The following AGT variants were observed in gnomAD, a reference collection of about 807,000 sequenced individuals.
AGT encodes the protein alpha-1 antiproteinase, antitrypsin.
In AGT, 26 loss-of-function variants were observed where a neutral mutation model predicts 28.1. That is an observed-to-expected ratio of 0.92 (90% CI 0.68 to 1.28). The LOEUF is 1.28. Ranked by LOEUF, AGT falls within the 50% of genes most tolerant of loss-of-function variation. The probability of loss-of-function intolerance (pLI) is 0.00; values close to 1 mark genes in which losing one functional copy is unlikely to be tolerated. For synonymous variants in AGT, 259 were observed against 259.6 expected (o/e 1.00, Z 0.02); for missense variants, 596 against 592.3 (o/e 1.01, Z -0.06).
chr1:230,715,957 G>A (rs1229202793), upstream of AGT, among the ~76,000 whole-genome samples: 1 of 152,176 alleles, frequency 6.6e-6, no homozygotes. Context: ...GGAAAGTGGT[G>A]TAAAAGAAAA....
At chr1:230,733,626 A>G (rs1200813437) in intron 1 of AGT, among the ~76,000 whole-genome samples, 3 of 152,226 alleles carry the variant, frequency 2.0e-5, no homozygotes, top group Non-Finnish European at 4.4e-5. Context: ...AACAGAAGGC[A>G]CTAGAAGGAC....
chr1:230,728,677 G>A (rs542637434), intron 1 of AGT, among the ~76,000 whole-genome samples: 42 of 152,240 alleles, frequency 2.8e-4, no homozygotes, highest in Middle Eastern at 6.8e-3. Context: ...TGCATCTACG[G>A]CCTCATTTTC....
intron 1 of AGT, among the ~76,000 whole-genome samples, chr1:230,723,722 A>G (rs1663887495): frequency 1.3e-5 from 2 of 152,090 alleles, no homozygotes; most frequent in Non-Finnish European, 1.5e-5. Flanking sequence ...TTCTGCTTCT[A>G]TTTTCAGTAA....
intron 1 of AGT, among the ~76,000 whole-genome samples, chr1:230,737,414 C>T (rs114477628): frequency 6.6e-5 from 10 of 152,034 alleles, no homozygotes; most frequent in Non-Finnish European, 8.8e-5. Context: ...CAGGTTCAAG[C>T]GATTCCCTGG....
At chr1:230,734,533 A>G (rs1664121415) in intron 1 of AGT, among the ~76,000 whole-genome samples, 1 of 152,074 alleles carries the variant, frequency 6.6e-6, no homozygotes, top group African/African-American at 2.4e-5. Context: ...GAAATGGTTA[A>G]GGTTGTAAAT....
chr1:230,717,508 A>G (rs1008182102), upstream of AGT, among the ~76,000 whole-genome samples: 1 of 152,212 alleles, frequency 6.6e-6, no homozygotes, highest in African/African-American at 2.4e-5. Flanking sequence ...TAAATACAGG[A>G]ATGGGGTTTC....
intron 1 of AGT, among the ~76,000 whole-genome samples, chr1:230,723,572 A>G (rs61826450): frequency 0.022 from 3,348 of 152,304 alleles, 56 homozygotes; most frequent in Non-Finnish European, 0.033. Context: ...CTTGTCTGCT[A>G]TACCCAGATG....
intron 2 of AGT, among the ~76,000 whole-genome samples, chr1:230,706,474 T>C (rs1663391209): frequency 6.6e-6 from 1 of 152,194 alleles, no homozygotes; most frequent in Non-Finnish European, 1.5e-5. Context: ...CCGGGGGTTT[T>C]GCATCTGTCA....
chr1:230,724,875 T>C (rs1663911276), intron 1 of AGT, among the ~76,000 whole-genome samples: 2 of 152,114 alleles, frequency 1.3e-5, no homozygotes, highest in African/African-American at 4.8e-5. Context: ...ATGTGCAGAA[T>C]TTGAGCCTGA....
At chr1:230,728,086 G>T (rs1258009901) in intron 1 of AGT, among the ~76,000 whole-genome samples, 1 of 152,180 alleles carries the variant, frequency 6.6e-6, no homozygotes, top group Non-Finnish European at 1.5e-5. Flanking sequence ...TGGAAAAAAT[G>T]GTCCTCATAT....
At position 230,710,399 on chromosome 1, in the gene AGT, A is replaced by G. The variant is rs150161533; in HGVS notation, c.425T>C (p.Leu142Ser). The G allele has an allele frequency of 3.1e-6, 5 of 1,614,216 alleles. No individual in the cohort carries two copies. The African/African-American group carries it at 4.0e-5, about 13-fold the overall frequency. Residue 142 changes from leucine to serine, a missense_variant, in exon 2 of 5, where the codon TTG becomes TCG. Leu to Ser is a moderately radical substitution (Grantham distance 145, BLOSUM62 -2). Coordinates refer to ENST00000366667, the MANE Select transcript of AGT (RefSeq NM_001384479.1). ...CTGTAGCCTGTCAGCTGTGTGGTCC[A>G]AGGCTCCCAGATAGAGAGAGGCCAG... ...GTLASLYLGA[L>S]DHTADRLQAI...
At chr1:230,738,441 A>T (rs965390776) in intron 1 of AGT, among the ~76,000 whole-genome samples, 2 of 152,234 alleles carry the variant, frequency 1.3e-5, no homozygotes, top group Non-Finnish European at 1.5e-5. Context: ...TTATCATGTT[A>T]CTTTATGTCT....
At chr1:230,740,032 T>C (rs1241592344) in intron 1 of AGT, among the ~76,000 whole-genome samples, 1 of 152,234 alleles carries the variant, frequency 6.6e-6, no homozygotes, top group Non-Finnish European at 1.5e-5. Context: ...CTTGGTCATA[T>C]GCTAAACAAA....
intron 1 of AGT, among the ~76,000 whole-genome samples, chr1:230,740,345 G>A (rs1664226097): frequency 6.6e-6 from 1 of 151,970 alleles, no homozygotes; most frequent in Non-Finnish European, 1.5e-5. Context: ...TTTGTGACCT[G>A]CCGACCTCCT....
At chr1:230,733,696 A>G (rs535448935) in intron 1 of AGT, among the ~76,000 whole-genome samples, 3 of 152,316 alleles carry the variant, frequency 2.0e-5, no homozygotes, top group Admixed American at 6.5e-5. Flanking sequence ...AGCTAATCCA[A>G]TCATATATTA....
At chr1:230,724,139 G>A (rs1454580104) in intron 1 of AGT, among the ~76,000 whole-genome samples, 1 of 152,174 alleles carries the variant, frequency 6.6e-6, no homozygotes, top group African/African-American at 2.4e-5. Context: ...AATAGTCCAG[G>A]ATGCTTTTGT....
chr1:230,744,248 G>A (rs1386711113), intron 1 of AGT, among the ~76,000 whole-genome samples: 1 of 152,218 alleles, frequency 6.6e-6, no homozygotes. Context: ...ATCCTGAGAA[G>A]TGAAGGTTTG....
At chr1:230,721,247 C>T (rs1268289403) in intron 1 of AGT, among the ~76,000 whole-genome samples, 1 of 152,224 alleles carries the variant, frequency 6.6e-6, no homozygotes, top group Non-Finnish European at 1.5e-5. Flanking sequence ...AACCCTTCTT[C>T]CTCCTTCAAA....
At chr1:230,715,786 T>G (rs991754570), upstream of AGT, among the ~76,000 whole-genome samples, 1 of 152,250 alleles carries the variant, frequency 6.6e-6, no homozygotes, top group Non-Finnish European at 1.5e-5. Context: ...ATTTGTTTCA[T>G]TCACTCACTA....
Sources: gnomAD v4.1 joint callset for allele counts (sites outside exome capture counted in the v4.1 genomes callset) on GRCh38, gnomAD v4.1.1 for gene constraint, MANE v1.5 for transcripts, NCBI Gene and HGNC (gene_info 2026-07-23, HGNC 2026-07-21) for gene names.